The following NLRP2 variants were observed in gnomAD, a reference collection of about 807,000 sequenced individuals.
NLRP2 encodes the protein NLR family pyrin domain containing 2, also known as NACHT, LRR and PYD domains-containing protein 2.
In NLRP2, 107 loss-of-function variants were observed where a neutral mutation model predicts 97.2. The ratio of observed to expected loss-of-function variants is 1.10; its 90% CI spans 0.94 to 1.29. The LOEUF is 1.29. Among genes scored for constraint, NLRP2 ranks in the 50% most tolerant of loss-of-function variants. NLRP2 has a pLI of 0.00. For missense variants in NLRP2, 1,495 were observed against 1,330.3 expected (o/e 1.12, Z -1.93); for synonymous variants, 663 against 551.5 (o/e 1.20, Z -2.83).
At chr19:54,980,994 C>T (rs530760020) in intron 4 of NLRP2, among the ~76,000 whole-genome samples, 1 of 152,174 alleles carries the variant, frequency 6.6e-6, no homozygotes, top group Non-Finnish European at 1.5e-5. Flanking sequence ...GCCTGTAATT[C>T]CAGTTACTTG....
intron 8 of NLRP2, among the ~76,000 whole-genome samples, chr19:54,987,519 A>G (rs2072174415): frequency 2.0e-5 from 3 of 152,166 alleles, no homozygotes; most frequent in Admixed American, 1.3e-4. Context: ...AGGTGGGTGG[A>G]TCACTTGAGG....
intron 11 of NLRP2, among the ~76,000 whole-genome samples, chr19:54,996,189 C>T (rs532743090): frequency 1.3e-4 from 20 of 151,764 alleles, no homozygotes; most frequent in Non-Finnish European, 2.5e-4. Flanking sequence ...CCTGGGCAAC[C>T]GAGTGAGACC....
At position 55,000,979 on chromosome 19, in the gene NLRP2, G is replaced by T. The variant is rs1043680; in HGVS notation, c.*81G>T. 18 of 1,301,434 alleles carry T rather than the reference G, an allele frequency of 1.4e-5. No individual in the cohort carries two copies. Among genetic ancestry groups the T allele is most frequent in the East Asian group, 6.9e-5 (3 of 43,490 alleles). 80.6% of individuals were successfully genotyped at this position (1,301,434 alleles called of 1,614,324 possible). A position where few individuals can be genotyped will look rare whatever the true frequency, so the allele number is the denominator to read the frequency against. On this transcript the variant is annotated 3_prime_UTR_variant, in exon 13 of 13. Coordinates refer to ENST00000448584, the MANE Select transcript of NLRP2 (RefSeq NM_017852.5). ...ACTGCCTGTGACTCCTCTCCTCCCC[G>T]GCCCCTACCCCTCAGGGATAATGAG...
intron 1 of NLRP2, among the ~76,000 whole-genome samples, chr19:54,968,640 A>G (rs968105907): frequency 1.3e-5 from 2 of 150,718 alleles, no homozygotes; most frequent in Non-Finnish European, 2.9e-5. Context: ...CAGCTTCAGT[A>G]AAGTAAAAGC....
At chr19:54,975,106 GTTTTTTTTTTTTTTTTTTTTTTTT>G (rs558518586) in intron 3 of NLRP2, among the ~76,000 whole-genome samples, 23 of 58,674 alleles carry the variant, frequency 3.9e-4, no homozygotes, top group African/African-American at 6.7e-4. Context: ...ACCCGGTTTT[GTTTTTTTTTTTTTTTTTTTTTTTT>G]TTTTTTTTTT....
At chr19:54,969,477 CA>C (rs757668995) in intron 1 of NLRP2, among the ~76,000 whole-genome samples, 3,488 of 94,596 alleles carry the variant, frequency 0.037, 84 homozygotes, top group African/African-American at 0.099. Context: ...GACTCCGTCT[CA>C]AAAAAAAAAA....
intron 6 of NLRP2, among the ~76,000 whole-genome samples, chr19:54,984,483 A>ATTTTTTTTTTTTTTTTTTTTTTTTTTT (rs1568505832): frequency 2.2e-5 from 1 of 46,192 alleles, no homozygotes; most frequent in Non-Finnish European, 3.6e-5. Flanking sequence ...TATATTCCCA[A>ATTTTTTTTTTTTTTTTTTTTTTTTTTT]TCTTTTTTTT....
chr19:54,971,207 A>T (rs961740114), intron 2 of NLRP2, among the ~76,000 whole-genome samples: 1 of 150,974 alleles, frequency 6.6e-6, no homozygotes, highest in African/African-American at 2.4e-5. Context: ...ACATTTTCTT[A>T]ATCCAGTCTA....
chr19:54,998,423 AAAT>A (rs2072961696), intron 12 of NLRP2, among the ~76,000 whole-genome samples: 1 of 152,156 alleles, frequency 6.6e-6, no homozygotes, highest in South Asian at 2.1e-4. Context: ...TGCTGGCTTA[AAAT>A]AATCTTTATG....
intron 2 of NLRP2, chr19:54,973,678 G>GT (rs559257325): frequency 1.1e-5 from 4 of 378,694 alleles, no homozygotes; most frequent in Non-Finnish European, 2.1e-5. Context: ...CCGGCCAAGG[G>GT]TTTTTAACTT....
intron 10 of NLRP2, chr19:54,991,546 C>T (rs1401513217): frequency 1.6e-5 from 2 of 124,374 alleles, no homozygotes; most frequent in African/African-American, 2.9e-5. Flanking sequence ...GAGCAAGACT[C>T]TCTCAAAAAA....
At chr19:54,975,106 G>GTGTTTTTTT (rs2071120331) in intron 3 of NLRP2, among the ~76,000 whole-genome samples, 1 of 58,674 alleles carries the variant, frequency 1.7e-5, no homozygotes, top group East Asian at 5.0e-4. Flanking sequence ...ACCCGGTTTT[G>GTGTTTTTTT]TTTTTTTTTT....
In NLRP2 at chr19:54,981,687, G is replaced by C; in HGVS notation, c.463+5G>C. 1.3e-6 allele frequency: 2 copies of C among 1,490,112 alleles called. No homozygotes were observed. Among genetic ancestry groups the C allele is most frequent in the South Asian group, 1.1e-5 (1 of 88,604 alleles). 92.3% of individuals were successfully genotyped at this position (1,490,112 alleles called of 1,614,324 possible). ...TCTTTAAAGGAAAAAAGCCAGGTCT[G>C]TACCATATCTTCCTGCAGGGAGCTT... On this transcript the variant is annotated splice_donor_5th_base_variant and intron_variant, in intron 5 of 12. Transcript: ENST00000448584.
rs749776631 is a variant in NLRP2, at chr19:54,983,475, A to G, written c.1777A>G (p.Lys593Glu). The change falls in exon 6 of 13, where the codon AAG becomes GAG. Residue 593 changes from lysine to glutamate, a missense_variant. Lys to Glu is a moderately conservative substitution (Grantham distance 56, BLOSUM62 1). Transcript: ENST00000448584. Reference protein sequence around the residue: ...QELLRCDISCKGGHSTVTDLQ... With the variant: ...QELLRCDISCEGGHSTVTDLQ... ...ATTGCTGCGATGCGACATAAGTTGT[A>G]AGGGTGGACATTCAACGGTGACAGA... is the stretch of plus-strand genomic sequence containing the variant. 2 of 1,614,178 alleles carry G rather than the reference A, an allele frequency of 1.2e-6. No individual in the cohort carries two copies. Among genetic ancestry groups the G allele is most frequent in the Non-Finnish European group, 1.7e-6 (2 of 1,180,038 alleles).
chr19:54,988,582 G>A (rs961001444), intron 8 of NLRP2, among the ~76,000 whole-genome samples: 5 of 152,098 alleles, frequency 3.3e-5, no homozygotes, highest in South Asian at 2.1e-4. Context: ...TAGTAGAGCC[G>A]GGGTTTCACC....
intron 6 of NLRP2, among the ~76,000 whole-genome samples, chr19:54,984,464 A>G (rs935191163): frequency 8.5e-5 from 9 of 106,426 alleles, no homozygotes; most frequent in African/African-American, 2.5e-4. Context: ...ATTGATATGT[A>G]TAGATATGTA....
chr19:54,993,216 CA>C (rs72154233), intron 10 of NLRP2: 5,635 of 111,600 alleles, frequency 0.05, 344 homozygotes, highest in African/African-American at 0.15. Flanking sequence ...GAGACTGTCT[CA>C]AAAAAAAAAA....
chr19:54,982,071 C>G (rs745711962), intron 5 of NLRP2, 91 bp from the exon 6 acceptor site: 3 of 1,534,710 alleles, frequency 2.0e-6, no homozygotes, highest in Non-Finnish European at 2.7e-6. Flanking sequence ...AGCCACTGTG[C>G]CCGGCCAACA....
At position 54,997,260 on chromosome 19, in the gene NLRP2, C is replaced by T. The variant is rs79008029; in HGVS notation, c.2880-57C>T. The T allele has an allele frequency of 2.1e-5, 34 of 1,585,138 alleles. 1 individual carries two copies. The East Asian group carries it at 6.0e-4, about 28-fold the overall frequency. On this transcript the variant is annotated intron_variant, in intron 11 of 12. Coordinates refer to ENST00000448584, the MANE Select transcript of NLRP2 (RefSeq NM_017852.5). ...ACACACGAGGGTGGGCTTGGCTTGCCGGAGGGCATCGATCAGCACTGGCTG... is the reference window on the plus strand; with the variant it reads ...ACACACGAGGGTGGGCTTGGCTTGCTGGAGGGCATCGATCAGCACTGGCTG...
Sources: gnomAD v4.1 joint callset for allele counts (sites outside exome capture counted in the v4.1 genomes callset) on GRCh38, gnomAD v4.1.1 for gene constraint, MANE v1.5 for transcripts, NCBI Gene and HGNC (gene_info 2026-07-23, HGNC 2026-07-21) for gene names.